CHEK1: variants seen among roughly 807,000 people sequenced by gnomAD.
CHEK1 encodes the protein checkpoint kinase 1.
Under a neutral mutation model 60.2 loss-of-function variants are expected in CHEK1, and 32 were observed. That is an observed-to-expected ratio of 0.53 (90% CI 0.40 to 0.71). The LOEUF (loss-of-function observed/expected upper bound fraction) is 0.71. Ranked by LOEUF, CHEK1 falls within the 30% of genes least tolerant of loss-of-function variation. The pLI, the probability that CHEK1 is intolerant of heterozygous loss-of-function variation, is 0.00. For synonymous variants in CHEK1, 179 were observed against 187.2 expected (o/e 0.96, Z 0.36); for missense variants, 399 against 564.6 (o/e 0.71, Z 2.97).
intron 13 of CHEK1, among the ~76,000 whole-genome samples, chr11:125,665,082 C>A (rs1345348680): frequency 6.6e-6 from 1 of 152,058 alleles, no homozygotes; most frequent in East Asian, 1.9e-4. Flanking sequence ...AATGAGTTGG[C>A]TATAAAAATG....
Position 125,625,824 on chromosome 11 carries a change from G to A in CHEK1, c.-209G>A, listed in dbSNP as rs73616024. 1.4e-3 allele frequency: 980 copies of A among 702,604 alleles called. 7 individuals are homozygous for A. The African/African-American group carries it at 0.014, about 10-fold the overall frequency. 43.5% of individuals were successfully genotyped at this position (702,604 alleles called of 1,614,324 possible). The stretch of plus-strand genomic sequence containing the variant: ...TCTCCCCGACTGCAAAGCAGCCCTG[G>A]GCGGGAGCGGCAACATCTCCACGTC... On this transcript the variant is annotated 5_prime_UTR_variant, in exon 1 of 13. Transcript: ENST00000438015.
chr11:125,672,622 G>A lies in CHEK1; in HGVS notation c.*28-3306G>A. On this transcript the variant is annotated intron_variant, in intron 13 of 13. Transcript: ENST00000428830. The stretch of plus-strand genomic sequence containing the variant: ...ATCTTATTGCAGAAAGATTGATTTC[G>A]ACAGCATATAATTTGCATCCTCGTT... 5.0e-6 allele frequency: 8 copies of A among 1,613,998 alleles called. No homozygotes were observed. In the East Asian group the frequency reaches 6.7e-5, roughly 13 times the overall value.
intron 13 of CHEK1, among the ~76,000 whole-genome samples, chr11:125,670,671 T>A (rs766689635): frequency 6.6e-6 from 1 of 152,132 alleles, no homozygotes; most frequent in African/African-American, 2.4e-5. Context: ...ACCCCCTAAT[T>A]TTGCAGCTGC....
intron 13 of CHEK1, among the ~76,000 whole-genome samples, chr11:125,670,614 A>T (rs1418372679): frequency 2.0e-5 from 3 of 152,086 alleles, no homozygotes; most frequent in Non-Finnish European, 4.4e-5. Flanking sequence ...GTCAGAGGTT[A>T]TCCTCAAATT....
rs1266848410 is a variant in CHEK1, at chr11:125,657,061, AT to A, written c.*1745del. 2 of 183,582 alleles carry A rather than the reference AT, an allele frequency of 1.1e-5. No individual in the cohort carries two copies. The highest frequency in any genetic ancestry group is 2.3e-5 in the Non-Finnish European group (2 of 86,516). The allele number at this position is 183,582 out of a possible 1,614,324, so 11.4% of individuals were successfully genotyped here. ...ATTCTGTAAATAATAAGTTGCCTTA[AT>A]TTTCCTGTAATGTTCATTATATTGT... On this transcript the variant is annotated 3_prime_UTR_variant, in exon 13 of 13. Coordinates refer to ENST00000438015, the MANE Select transcript of CHEK1 (RefSeq NM_001114122.3).
chr11:125,626,406 C>G (rs1297915340), intron 1 of CHEK1: 2 of 430,858 alleles, frequency 4.6e-6, no homozygotes, highest in African/African-American at 3.9e-5. Context: ...TCCTCTTCCT[C>G]TCTTCCCCAG....
chr11:125,635,003 G>A lies in CHEK1; in HGVS notation c.614-426G>A, dbSNP rs561061057. Reference sequence around the variant, plus strand: ...GACAAAGTCTTGCTCTGTCGCCCAGGCTGCAGTGCAGCAGTGTGATCTTGG... The same window carrying A: ...GACAAAGTCTTGCTCTGTCGCCCAGACTGCAGTGCAGCAGTGTGATCTTGG... On this transcript the variant is annotated intron_variant, in intron 6 of 12. Transcript: ENST00000438015. 1.7e-3 allele frequency among the ~76,000 whole-genome samples: 260 copies of A among 151,904 alleles called. 1 individual carries two copies. Among genetic ancestry groups the A allele is most frequent in the Non-Finnish European group, 3.5e-4 (24 of 67,936 alleles).
intron 11 of CHEK1, among the ~76,000 whole-genome samples, chr11:125,650,041 GGA>G (rs781187815): frequency 6.6e-6 from 1 of 151,348 alleles, no homozygotes; most frequent in Non-Finnish European, 1.5e-5. Context: ...ATCTTGGTGT[GGA>G]TTTCTTTTTT....
intron 13 of CHEK1, among the ~76,000 whole-genome samples, chr11:125,673,480 C>T (rs1238332938): frequency 6.6e-6 from 1 of 151,446 alleles, no homozygotes; most frequent in Non-Finnish European, 1.5e-5. Context: ...GGATTACAGG[C>T]GTGAGCCACT....
intron 8 of CHEK1, among the ~76,000 whole-genome samples, chr11:125,640,349 G>A (rs1054797601): frequency 2.0e-5 from 3 of 151,906 alleles, no homozygotes; most frequent in Non-Finnish European, 2.9e-5. Flanking sequence ...AGACCATCCT[G>A]GCTAACACGG....
At chr11:125,673,996 TA>T (rs1307897743) in intron 13 of CHEK1, among the ~76,000 whole-genome samples, 1 of 152,096 alleles carries the variant, frequency 6.6e-6, no homozygotes, top group Non-Finnish European at 1.5e-5. Context: ...CTGTCCCTGC[TA>T]AAAATACAGA....
intron 1 of CHEK1, chr11:125,626,387 C>A: frequency 2.4e-6 from 1 of 425,048 alleles, no homozygotes; most frequent in East Asian, 3.8e-5. Context: ...CCCCATACCG[C>A]TCCCTATATC....
At chr11:125,637,153 GA>G (rs1452277236) in intron 7 of CHEK1, among the ~76,000 whole-genome samples, 1 of 152,154 alleles carries the variant, frequency 6.6e-6, no homozygotes, top group Non-Finnish European at 1.5e-5. Flanking sequence ...AAATGGATAA[GA>G]GGGGTTTCTG....
chr11:125,664,578 A>T (rs1942068396), intron 13 of CHEK1, among the ~76,000 whole-genome samples: 1 of 152,000 alleles, frequency 6.6e-6, no homozygotes, highest in Admixed American at 6.6e-5. Context: ...ATGTCTTTTG[A>T]GAAATGTCTG....
At position 125,655,266 on chromosome 11, in the gene CHEK1, A is replaced by G; in HGVS notation, c.1377A>G (p.Lys459=). 1.2e-6 allele frequency: 2 copies of G among 1,613,796 alleles called. No individual in the cohort carries two copies. Among genetic ancestry groups the G allele is most frequent in the Non-Finnish European group, 1.7e-6 (2 of 1,179,702 alleles). Residue 459 remains lysine (K), a synonymous_variant, in exon 13 of 13, where the codon AAA becomes AAG. Transcript: ENST00000438015. ...LEFKRHFLKI[K]GKLIDIVSSQ... ...TCAAGAGACACTTCCTGAAGATTAA[A>G]GGGAAGCTGATTGATATTGTGAGCA...
At position 125,627,890 on chromosome 11, in the gene CHEK1, T is replaced by G; in HGVS notation, c.289+60T>G. On this transcript the variant is annotated intron_variant, in intron 3 of 12. Coordinates refer to ENST00000438015, the MANE Select transcript of CHEK1 (RefSeq NM_001114122.3). ...AGTTTTTAAATTTGTTTTTTAAATC[T>G]TGGGCATGCTATTTGGTCGTTGTCC... 3.1e-6 allele frequency: 4 copies of G among 1,294,190 alleles called. No homozygotes were observed. In the South Asian group the frequency reaches 6.0e-5, roughly 19 times the overall value. 80.2% of individuals were successfully genotyped at this position (1,294,190 alleles called of 1,614,324 possible). A position where few individuals can be genotyped will look rare whatever the true frequency, so the allele number is the denominator to read the frequency against.
chr11:125,680,597 T>C (rs1265612260), downstream of CHEK1: 2 of 773,958 alleles, frequency 2.6e-6, no homozygotes, highest in East Asian at 5.2e-5. Flanking sequence ...CGAGTTGGAC[T>C]TGTTTAGCTG....
intron 3 of CHEK1, among the ~76,000 whole-genome samples, chr11:125,628,950 G>A (rs1940744167): frequency 6.6e-6 from 1 of 152,170 alleles, no homozygotes; most frequent in South Asian, 2.1e-4. Flanking sequence ...ATAAATCAGG[G>A]TTAGTATAAG....
chr11:125,631,593 C>T (rs1281388282), intron 5 of CHEK1, among the ~76,000 whole-genome samples: 3 of 151,318 alleles, frequency 2.0e-5, no homozygotes, highest in African/African-American at 7.3e-5. Flanking sequence ...CAACTGGGTG[C>T]AGTAGCTCAT....
Sources: allele counts gnomAD v4.1 joint callset (sites outside exome capture counted in the v4.1 genomes callset), GRCh38; gene constraint gnomAD v4.1.1; transcripts MANE v1.5; gene names NCBI Gene and HGNC (gene_info 2026-07-23, HGNC 2026-07-21).